Variants in CDH15 observed in about 807,000 individuals in gnomAD.
The protein encoded by CDH15 is cadherin 15.
A neutral mutation model predicts 69.4 loss-of-function variants in CDH15; 73 were observed. That is an observed-to-expected ratio of 1.05 (90% CI 0.87 to 1.28). The LOEUF (loss-of-function observed/expected upper bound fraction) is 1.28. Ranked by LOEUF, CDH15 falls within the 50% of genes most tolerant of loss-of-function variation. CDH15 has a pLI of 0.00. For synonymous variants in CDH15, 624 were observed against 507.7 expected (o/e 1.23, Z -3.08); for missense variants, 1,343 against 1,133.6 (o/e 1.18, Z -2.65).
At position 89,190,197 on chromosome 16, in the gene CDH15, C is replaced by A. The variant is rs1227568611; in HGVS notation, c.979-46C>A. The A allele has an allele frequency of 3.7e-6, 6 of 1,600,906 alleles. No individual in the cohort carries two copies. In the East Asian group the frequency reaches 1.4e-4, roughly 36 times the overall value. On this transcript the variant is annotated intron_variant, in intron 7 of 13. Transcript: ENST00000289746. ...CCCCATGGCACCTGCCCTCGGGTGCCCACACTTGCGTTGGGCGGATGACGG... is the reference window on the plus strand; with the variant it reads ...CCCCATGGCACCTGCCCTCGGGTGCACACACTTGCGTTGGGCGGATGACGG...
At chr16:89,181,028 G>A (rs1335075416) in intron 3 of CDH15, among the ~76,000 whole-genome samples, 2 of 142,854 alleles carry the variant, frequency 1.4e-5, no homozygotes, top group Non-Finnish European at 3.0e-5. Flanking sequence ...GGAGTGCAGT[G>A]GCACAATCTC....
intron 7 of CDH15, among the ~76,000 whole-genome samples, chr16:89,189,349 A>G (rs972233273): frequency 2.0e-5 from 3 of 150,830 alleles, no homozygotes; most frequent in African/African-American, 7.3e-5. Flanking sequence ...ATGCCCACAC[A>G]CAGATGCCGG....
At chr16:89,194,067 G>A (rs1335434677) in intron 13 of CDH15, among the ~76,000 whole-genome samples, 154 bp downstream of exon 13, 3 of 152,262 alleles carry the variant, frequency 2.0e-5, no homozygotes, top group African/African-American at 4.8e-5. Flanking sequence ...GTGTGCGGGC[G>A]GGAGTGTGGA....
intron 1 of CDH15, among the ~76,000 whole-genome samples, chr16:89,176,576 T>C (rs1173571984): frequency 6.6e-6 from 1 of 152,162 alleles, no homozygotes; most frequent in Non-Finnish European, 1.5e-5. Flanking sequence ...GTTCTAGGTG[T>C]TGGTGTGGCG....
intron 3 of CDH15, among the ~76,000 whole-genome samples, chr16:89,180,753 T>G (rs1161902195): frequency 6.6e-6 from 1 of 152,174 alleles, no homozygotes; most frequent in Non-Finnish European, 1.5e-5. Context: ...AGATGGAGTC[T>G]CGCTCTGTCG....
At position 89,193,918 on chromosome 16, in the gene CDH15, G is replaced by C; in HGVS notation, c.2151+5G>C. 6.2e-7 allele frequency: 1 copy of C among 1,611,780 alleles called. No individual in the cohort carries two copies. The highest frequency in any genetic ancestry group is 8.5e-7 in the Non-Finnish European group (1 of 1,179,686). On this transcript the variant is annotated splice_donor_5th_base_variant and intron_variant, in intron 13 of 13. Transcript: ENST00000289746. ...ATCGCCGACTTCATCAATGATGTAG[G>C]TGCTCCTGGGGACACCCCAGTACAC...
chr16:89,175,444 G>C (rs1157227412), intron 1 of CDH15, among the ~76,000 whole-genome samples: 1 of 152,228 alleles, frequency 6.6e-6, no homozygotes, highest in Non-Finnish European at 1.5e-5. Flanking sequence ...CAGACCCCAC[G>C]TGACTCCTGG....
Position 89,180,283 on chromosome 16 carries a change from C to T in CDH15, c.285C>T (p.Phe95=). ...TGGATGAGGAGCCCCGGGGCGTCTT[C>T]TCTATCGACAAGTTCACAGGGAAGG... ...PGVDEEPRGV[F]SIDKFTGKVF... is the part of the protein sequence containing the mutation. The change falls in exon 3 of 14, where the codon TTC becomes TTT. Residue 95 remains phenylalanine (F), a synonymous_variant. Transcript: ENST00000289746. 1.9e-6 allele frequency: 3 copies of T among 1,611,406 alleles called. No homozygotes were observed. The South Asian group carries it at 3.3e-5, about 18-fold the overall frequency.
At chr16:89,194,835 T>A in intron 13 of CDH15, 27 bp from the exon 14 acceptor site, 2 of 1,585,456 alleles carry the variant, frequency 1.3e-6, no homozygotes, top group Non-Finnish European at 1.7e-6. Context: ...CCTCCATGTG[T>A]CTTGAGCTCT....
At chr16:89,187,962 G>C in intron 6 of CDH15, 138 bp from the exon 7 acceptor site, 1 of 781,358 alleles carries the variant, frequency 1.3e-6, no homozygotes, top group Non-Finnish European at 2.0e-6. Context: ...GAGCAGCTTC[G>C]ACAGGAGCAA....
chr16:89,193,775 G>T lies in CDH15; in HGVS notation c.2013G>T (p.Gln671His). Residue 671 changes from glutamine to histidine, a missense_variant, in exon 13 of 14, where the codon CAG becomes CAT. Physicochemically the swap from Gln to His is conservative, Grantham distance 24 (BLOSUM62 0). Coordinates refer to ENST00000289746, the MANE Select transcript of CDH15 (RefSeq NM_004933.3). ...CACAGGACGCCTACGACATCAGCCA[G>T]CTGCGTCACCCGACAGCGCTGAGCC... ...EEDQDAYDIS[Q>H]LRHPTALSLP... 1 of 1,604,946 alleles carries T rather than the reference G, an allele frequency of 6.2e-7. No homozygotes were observed. Among genetic ancestry groups the T allele is most frequent in the Non-Finnish European group, 8.5e-7 (1 of 1,179,108 alleles).
chr16:89,192,488 A>ACCCTCGGC, intron 11 of CDH15, 44 bp downstream of exon 11: 1 of 1,549,912 alleles, frequency 6.5e-7, no homozygotes, highest in Non-Finnish European at 8.6e-7. Context: ...GGACCCTCGG[A>ACCCTCGGC]CCCTCCTCCC....
intron 6 of CDH15, 134 bp downstream of exon 6, chr16:89,187,691 G>C: frequency 1.5e-6 from 2 of 1,310,782 alleles, no homozygotes; most frequent in South Asian, 1.3e-5. Flanking sequence ...CTCCGCGTGG[G>C]CGGGTGGAAG....
Position 89,187,456 on chromosome 16 carries a change from C to A in CDH15, c.691C>A (p.Gln231Lys). The part of the protein sequence containing the change: ...EVVAVYNLTL[Q>K]VADMSGDGLT... ...GGTCGCGGTGTACAATCTGACCCTG[C>A]AGGTGGCGGACATGTCTGGAGACGG... The change falls in exon 6 of 14, where the codon CAG becomes AAG. Residue 231 changes from glutamine (Q) to lysine (K), a missense_variant. Transcript: ENST00000289746. The A allele has an allele frequency of 6.2e-7, 1 of 1,613,448 alleles. No individual in the cohort carries two copies.
intron 1 of CDH15, among the ~76,000 whole-genome samples, chr16:89,177,553 G>C (rs1259566433): frequency 1.3e-5 from 2 of 152,090 alleles, no homozygotes; most frequent in African/African-American, 4.8e-5. Context: ...ACAGCTCCTA[G>C]CCAGGCCCGG....
At chr16:89,181,026 G>A (rs1358971911) in intron 3 of CDH15, among the ~76,000 whole-genome samples, 1 of 142,818 alleles carries the variant, frequency 7.0e-6, no homozygotes, top group South Asian at 2.3e-4. Context: ...CTGGAGTGCA[G>A]TGGCACAATC....
rs1384798482 is a variant in CDH15 at position 89,195,387 on chromosome 16, T to A, written c.*232T>A. ...CTCCATCGGCCCCATGCGGGTCACC[T>A]CCCTAGTCCCACCTTTGCCTCCTAC... On this transcript the variant is annotated 3_prime_UTR_variant, in exon 14 of 14. Transcript: ENST00000289746. 3.2e-5 allele frequency: 18 copies of A among 559,888 alleles called. No individual in the cohort carries two copies. The Admixed American group carries it at 5.7e-4, about 18-fold the overall frequency. The allele number at this position is 559,888 out of a possible 1,614,324, so 34.7% of individuals were successfully genotyped here.
intron 10 of CDH15, 23 bp from the exon 11 acceptor site, chr16:89,192,182 C>T (rs1211669947): frequency 6.6e-7 from 1 of 1,520,434 alleles, no homozygotes. Flanking sequence ...GAGGCCCTCG[C>T]TCACCACAGG....
rs566167227 is a variant in CDH15 at position 89,192,091 on chromosome 16, G to A, written c.1616-114G>A. ...ATTGTGCCCAGAGGACGGTGGGGGT[G>A]GGGGGGACCCAGGCCCAGGATCTCG... On this transcript the variant is annotated intron_variant, in intron 10 of 13. Transcript: ENST00000289746. The A allele has an allele frequency of 4.5e-6, 6 of 1,345,990 alleles. No individual in the cohort carries two copies. In the East Asian group the frequency reaches 1.5e-4, roughly 34 times the overall value. 83.4% of individuals were successfully genotyped at this position (1,345,990 alleles called of 1,614,324 possible). A position where few individuals can be genotyped will look rare whatever the true frequency, so the allele number is the denominator to read the frequency against.
Sources: allele counts gnomAD v4.1 joint callset (sites outside exome capture counted in the v4.1 genomes callset), GRCh38; gene constraint gnomAD v4.1.1; transcripts MANE v1.5; gene names NCBI Gene and HGNC (gene_info 2026-07-23, HGNC 2026-07-21).